GALNT9: variants seen among roughly 807,000 people sequenced by gnomAD.
The protein encoded by GALNT9 is GalNAc transferase 9.
In GALNT9, 47 loss-of-function variants were observed where a neutral mutation model predicts 63.1. The observed-to-expected ratio is 0.75, with a 90% CI of 0.59 to 0.95. GALNT9 has a LOEUF of 0.95. Among genes scored for constraint, GALNT9 ranks in the 40% least tolerant of loss-of-function variants. The probability of loss-of-function intolerance (pLI) is 0.00; values close to 1 mark genes in which losing one functional copy is unlikely to be tolerated. For synonymous variants in GALNT9, 396 were observed against 365.7 expected, an observed-to-expected ratio of 1.08 and a Z score of -0.94; for missense variants, 829 against 874.8, an observed-to-expected ratio of 0.95 and a Z score of 0.66.
chr12:132,285,834 A>G (rs1174965661), intron 2 of GALNT9, among the ~76,000 whole-genome samples: 3 of 152,080 alleles, frequency 2.0e-5, no homozygotes, highest in Admixed American at 2.0e-4. Flanking sequence ...AGACACAGAG[A>G]GATAGAGAAA....
chr12:132,214,576 T>C (rs1482664329), intron 6 of GALNT9, among the ~76,000 whole-genome samples: 1 of 152,222 alleles, frequency 6.6e-6, no homozygotes, highest in East Asian at 1.9e-4. Flanking sequence ...GGATGGCCCA[T>C]GCCCCAGAGC....
Position 132,201,004 on chromosome 12 carries a change from G to A in GALNT9, c.1401+120C>T. ...TGTCGGGCCGAGTGGGACCCTCTGGGGGAGGCGCTACCTCTCCGTGTGCAT... is the reference window on the plus strand; with the variant it reads ...TGTCGGGCCGAGTGGGACCCTCTGGAGGAGGCGCTACCTCTCCGTGTGCAT... On this transcript the variant is annotated intron_variant, in intron 8 of 10. Transcript: ENST00000328957. 5 of 998,938 alleles carry A rather than the reference G, an allele frequency of 5.0e-6. No individual in the cohort carries two copies. In the South Asian group the frequency reaches 8.4e-5, roughly 17 times the overall value. 61.9% of individuals were successfully genotyped at this position (998,938 alleles called of 1,614,324 possible). A position where few individuals can be genotyped will look rare whatever the true frequency, so the allele number is the denominator to read the frequency against.
intron 2 of GALNT9, among the ~76,000 whole-genome samples, chr12:132,269,688 G>A (rs373964861): frequency 6.6e-6 from 1 of 152,208 alleles, no homozygotes; most frequent in African/African-American, 2.4e-5. Flanking sequence ...GGGCGGAATC[G>A]TGAAATAGAC....
chr12:132,260,201 G>A (rs954584286), intron 4 of GALNT9, among the ~76,000 whole-genome samples: 86 of 152,144 alleles, frequency 5.7e-4, no homozygotes, highest in Non-Finnish European at 1.1e-3. Context: ...CGTGGGGGTC[G>A]GAGGTGGGGG....
chr12:132,303,798 C>T (rs1225206398), intron 1 of GALNT9, among the ~76,000 whole-genome samples: 1,899 of 60,628 alleles, frequency 0.031, 110 homozygotes, highest in East Asian at 0.055. Flanking sequence ...CACCCTCACC[C>T]AGACACACCC....
chr12:132,284,584 G>T (rs1880513923), intron 2 of GALNT9: 2 of 152,230 alleles, frequency 1.3e-5, no homozygotes, highest in Admixed American at 6.5e-5. Flanking sequence ...TAAGTAGAAT[G>T]AAAATAAAAT....
intron 1 of GALNT9, among the ~76,000 whole-genome samples, chr12:132,313,046 C>CA (rs1467565408): frequency 1.3e-5 from 2 of 152,214 alleles, no homozygotes; most frequent in Middle Eastern, 3.4e-3. Flanking sequence ...ATTCACCCTC[C>CA]ACTCATCTAC....
intron 1 of GALNT9, among the ~76,000 whole-genome samples, chr12:132,312,444 G>C (rs1555245273): frequency 6.6e-6 from 1 of 152,180 alleles, no homozygotes; most frequent in African/African-American, 2.4e-5. Flanking sequence ...TGGGAGCAAG[G>C]GTGTCCCATC....
In GALNT9 at chr12:132,296,053, T is replaced by TCCG. The variant is rs1566016744; in HGVS notation, c.239-9624_239-9623insCGG. On this transcript the variant is annotated intron_variant, in intron 1 of 10. Coordinates refer to ENST00000328957, the MANE Select transcript of GALNT9 (RefSeq NM_001122636.2). This position sits in a 1 kb window ranked among gnomAD's most constrained non-coding sequence, Gnocchi z 4.2. ...GAGCCTCCAGAACAGGGAGAGCCTC[T>TCCG]GAACAGGGAGAGGCTCCGGAACAGG... Among the ~76,000 whole-genome samples, 1 of 133,078 alleles carries TCCG rather than the reference T, an allele frequency of 7.5e-6. No individual in the cohort carries two copies. The highest frequency in any genetic ancestry group is 7.6e-5 in the Admixed American group (1 of 13,228). The allele number at this position is 133,078 out of a possible 152,430, so 87.3% of individuals were successfully genotyped here. A position where few individuals can be genotyped will look rare whatever the true frequency, so the allele number is the denominator to read the frequency against.
At chr12:132,287,714 TC>T (rs1350223143) in intron 1 of GALNT9, among the ~76,000 whole-genome samples, 1 of 152,080 alleles carries the variant, frequency 6.6e-6, no homozygotes, top group East Asian at 1.9e-4. Flanking sequence ...ACAGGGAGGC[TC>T]CGCAGCTTGG....
At chr12:132,230,066 C>T (rs917488967) in intron 6 of GALNT9, among the ~76,000 whole-genome samples, 3 of 152,312 alleles carry the variant, frequency 2.0e-5, no homozygotes, top group East Asian at 3.9e-4. Context: ...CATCAACAGT[C>T]GCCACCGGGT....
At chr12:132,261,453 A>C (rs961936602) in intron 3 of GALNT9, among the ~76,000 whole-genome samples, 1 of 152,220 alleles carries the variant, frequency 6.6e-6, no homozygotes, top group Non-Finnish European at 1.5e-5. Flanking sequence ...ATGGGTGGAC[A>C]CACAAACGTG....
chr12:132,286,503 C>T lies in GALNT9; in HGVS notation c.239-73G>A, dbSNP rs1880598828. 1.4e-6 allele frequency: 2 copies of T among 1,452,712 alleles called. No individual in the cohort carries two copies. The highest frequency in any genetic ancestry group is 1.4e-5 in the South Asian group (1 of 69,618). The allele number at this position is 1,452,712 out of a possible 1,614,324, so 90.0% of individuals were successfully genotyped here. ...CGTCTGCACCCAGGAGACGCCCCTC[C>T]CGCCCCTCTCCCCGACGGCCGCTTC... On this transcript the variant is annotated intron_variant, in intron 1 of 10. Coordinates refer to ENST00000328957, the MANE Select transcript of GALNT9 (RefSeq NM_001122636.2). This position sits in a 1 kb window ranked among gnomAD's most constrained non-coding sequence, Gnocchi z 7.4.
At chr12:132,328,203 G>A (rs1869125441) in intron 1 of GALNT9, among the ~76,000 whole-genome samples, 1 of 152,200 alleles carries the variant, frequency 6.6e-6, no homozygotes. Flanking sequence ...CTGACCTGTG[G>A]TGATGCCGGT....
At position 132,286,434 on chromosome 12, in the gene GALNT9, G is replaced by A. The variant is rs1880595575; in HGVS notation, c.239-4C>T. Reference sequence around the variant, plus strand: ...AGGCCGATGGGCTTGGCAAGGCCTGGGGGAAAGGAAGAGAGGGAGGTCAGG... The same window carrying A: ...AGGCCGATGGGCTTGGCAAGGCCTGAGGGAAAGGAAGAGAGGGAGGTCAGG... On this transcript the variant is annotated splice_polypyrimidine_tract_variant and splice_region_variant and intron_variant, in intron 1 of 10. Coordinates refer to ENST00000328957, the MANE Select transcript of GALNT9 (RefSeq NM_001122636.2). The surrounding 1 kb of genome is among the most constrained non-coding windows in gnomAD (Gnocchi z 7.4). 3 of 1,548,174 alleles carry A rather than the reference G, an allele frequency of 1.9e-6. No homozygotes were observed. Among genetic ancestry groups the A allele is most frequent in the Non-Finnish European group, 2.6e-6 (3 of 1,145,922 alleles).
chr12:132,219,934 A>AAGGGGAAGGGGCACCTCCCCAGGGCGG (rs1877386163), intron 6 of GALNT9, among the ~76,000 whole-genome samples: 1 of 20,072 alleles, frequency 5.0e-5, no homozygotes, highest in African/African-American at 2.2e-4. Context: ...CCCCAGGGTG[A>AAGGGGAAGGGGCACCTCCCCAGGGCGG]CACCCGCCTG....
At chr12:132,284,914 G>A (rs529162457) in intron 2 of GALNT9, among the ~76,000 whole-genome samples, 75 of 152,328 alleles carry the variant, frequency 4.9e-4, no homozygotes, top group Admixed American at 2.5e-3. Context: ...CCAGCATCTC[G>A]CCTCCCTCTG....
Position 132,265,957 on chromosome 12 carries a change from C to T in GALNT9, c.420-3332G>A, listed in dbSNP as rs113676437. On this transcript the variant is annotated intron_variant, in intron 2 of 10. Transcript: ENST00000328957. This position sits in a 1 kb window ranked among gnomAD's most constrained non-coding sequence, Gnocchi z 5.3. The stretch of plus-strand genomic sequence containing the variant: ...ACAGGCCTGTCTGCCTTTACACGCC[C>T]GACCTCGCCGTATTTCATGAACAGG... Among the ~76,000 whole-genome samples, 3,894 of 138,640 alleles carry T rather than the reference C, an allele frequency of 0.028. 89 individuals are homozygous for T. The highest frequency in any genetic ancestry group is 0.11 in the African/African-American group (3,671 of 32,218). 91.0% of individuals were successfully genotyped at this position (138,640 alleles called of 152,430 possible).
At chr12:132,314,424 ATCT>A (rs1168817135) in intron 1 of GALNT9, among the ~76,000 whole-genome samples, 2 of 152,104 alleles carry the variant, frequency 1.3e-5, no homozygotes, top group African/African-American at 4.8e-5. Context: ...ATCTTGTCTA[ATCT>A]TCTCCATGAT....
Sources: gnomAD v4.1 joint callset for allele counts (sites outside exome capture counted in the v4.1 genomes callset) on GRCh38, gnomAD v4.1.1 for gene constraint, Gnocchi (gnomAD v3.1) non-coding constraint, MANE v1.5 for transcripts, NCBI Gene and HGNC (gene_info 2026-07-23, HGNC 2026-07-21) for gene names.